Variants in FAM110B observed in about 807,000 individuals in gnomAD.
FAM110B encodes the protein family with sequence similarity 110 member B.
FAM110B carries 6 observed loss-of-function variants against 20.4 expected under a neutral mutation model. The ratio of observed to expected loss-of-function variants is 0.29; its 90% CI spans 0.16 to 0.58. The LOEUF (loss-of-function observed/expected upper bound fraction) is 0.58. Ranked by LOEUF, FAM110B falls within the 20% of genes least tolerant of loss-of-function variation. FAM110B has a pLI of 0.90. For missense variants in FAM110B, 434 were observed against 498.2 expected, an observed-to-expected ratio of 0.87 and a Z score of 1.23; for synonymous variants, 226 against 214.1, an observed-to-expected ratio of 1.06 and a Z score of -0.49.
intron 3 of FAM110B, among the ~76,000 whole-genome samples, chr8:58,142,555 C>T (rs1000986267): frequency 6.7e-6 from 1 of 150,300 alleles, no homozygotes. Flanking sequence ...CCCACCCCGA[C>T]CCCTGCCACC....
chr8:58,058,782 A>G (rs984922176), intron 2 of FAM110B, among the ~76,000 whole-genome samples: 1 of 152,200 alleles, frequency 6.6e-6, no homozygotes, highest in Non-Finnish European at 1.5e-5. Context: ...TTAAAACTTT[A>G]TAGTAATACC....
intron 3 of FAM110B, among the ~76,000 whole-genome samples, chr8:58,093,055 T>C (rs761715130): frequency 1.3e-5 from 2 of 152,146 alleles, no homozygotes; most frequent in Non-Finnish European, 2.9e-5. Context: ...CTTTTGAAAA[T>C]TGTCTGTTCA....
At chr8:58,071,101 G>A (rs1805887297) in intron 2 of FAM110B, among the ~76,000 whole-genome samples, 1 of 152,006 alleles carries the variant, frequency 6.6e-6, no homozygotes, top group South Asian at 2.1e-4. Context: ...TCTACTGTTT[G>A]ACAACATTTT....
intron 2 of FAM110B, among the ~76,000 whole-genome samples, chr8:58,068,077 G>T (rs907384960): frequency 8.5e-5 from 13 of 152,218 alleles, no homozygotes; most frequent in African/African-American, 3.1e-4. Flanking sequence ...TGAGCTAGCA[G>T]TCTGTTAAAT....
At chr8:58,079,044 T>C (rs1002307769) in intron 3 of FAM110B, among the ~76,000 whole-genome samples, 1 of 152,182 alleles carries the variant, frequency 6.6e-6, no homozygotes, top group African/African-American at 2.4e-5. Flanking sequence ...TTGTACCTTG[T>C]CAATGACTCA....
intron 1 of FAM110B, among the ~76,000 whole-genome samples, chr8:58,008,912 G>A (rs1804470223): frequency 6.6e-6 from 1 of 152,112 alleles, no homozygotes; most frequent in African/African-American, 2.4e-5. Context: ...TTCTTTATCT[G>A]ACCCTGAAAT....
At chr8:58,055,253 G>T (rs1033812205) in intron 2 of FAM110B, among the ~76,000 whole-genome samples, 1 of 152,214 alleles carries the variant, frequency 6.6e-6, no homozygotes, top group African/African-American at 2.4e-5. Context: ...AGTGCTAAAA[G>T]TCCAGAATAG....
chr8:58,023,848 C>A (rs992020375), intron 1 of FAM110B, among the ~76,000 whole-genome samples: 1 of 152,168 alleles, frequency 6.6e-6, no homozygotes, highest in South Asian at 2.1e-4. Flanking sequence ...GTATACTAAG[C>A]CGTGTCTGAG....
At chr8:58,030,016 G>C (rs1185516004) in intron 1 of FAM110B, among the ~76,000 whole-genome samples, 1 of 152,152 alleles carries the variant, frequency 6.6e-6, no homozygotes, top group Non-Finnish European at 1.5e-5. Context: ...AGGGATTTTA[G>C]ATATAATTTT....
chr8:58,062,977 A>C (rs1254868745), intron 2 of FAM110B, among the ~76,000 whole-genome samples: 1 of 152,238 alleles, frequency 6.6e-6, no homozygotes, highest in East Asian at 1.9e-4. Flanking sequence ...ATAATCAGCA[A>C]ATTGGCTGAC....
intron 2 of FAM110B, among the ~76,000 whole-genome samples, chr8:58,072,264 C>T (rs1176266627): frequency 1.3e-5 from 2 of 152,154 alleles, no homozygotes; most frequent in Admixed American, 1.3e-4. Context: ...GGGCAGAGCC[C>T]CTTTGAGGTG....
At chr8:58,098,261 G>C (rs865842462) in intron 3 of FAM110B, among the ~76,000 whole-genome samples, 10 of 152,232 alleles carry the variant, frequency 6.6e-5, no homozygotes, top group African/African-American at 2.4e-4. Flanking sequence ...GGAATCTAGA[G>C]ATGCAGTCTG....
At chr8:58,142,238 C>A (rs1803758323) in intron 3 of FAM110B, among the ~76,000 whole-genome samples, 1 of 152,210 alleles carries the variant, frequency 6.6e-6, no homozygotes, top group Non-Finnish European at 1.5e-5. Flanking sequence ...TAATGGGATG[C>A]TGGCTAGCAC....
chr8:58,130,080 C>T (rs1803414018), intron 3 of FAM110B, among the ~76,000 whole-genome samples: 1 of 152,160 alleles, frequency 6.6e-6, no homozygotes, highest in African/African-American at 2.4e-5. Context: ...CCTCCTTACA[C>T]CCATTATAGG....
chr8:58,053,174 C>T (rs1331952312), intron 2 of FAM110B, among the ~76,000 whole-genome samples: 1 of 152,108 alleles, frequency 6.6e-6, no homozygotes, highest in African/African-American at 2.4e-5. Context: ...GCTGGCCTTG[C>T]AGAAGTGAGG....
intron 3 of FAM110B, among the ~76,000 whole-genome samples, chr8:58,079,299 C>T (rs963544427): frequency 2.0e-5 from 3 of 152,144 alleles, no homozygotes; most frequent in Non-Finnish European, 4.4e-5. Context: ...AGGGCATTCT[C>T]TGGGAAAAGA....
chr8:58,138,874 T>C (rs1803680943), intron 3 of FAM110B, among the ~76,000 whole-genome samples: 1 of 152,240 alleles, frequency 6.6e-6, no homozygotes, highest in Non-Finnish European at 1.5e-5. Context: ...TGGACATTCC[T>C]TGACCTGTAT....
chr8:58,025,697 A>G (rs886957578), intron 1 of FAM110B, among the ~76,000 whole-genome samples: 4 of 152,166 alleles, frequency 2.6e-5, no homozygotes, highest in Non-Finnish European at 5.9e-5. Flanking sequence ...GAGTATTACT[A>G]AATTTGTAGC....
intron 2 of FAM110B, among the ~76,000 whole-genome samples, chr8:58,050,685 C>A (rs1805420982): frequency 6.6e-6 from 1 of 152,168 alleles, no homozygotes; most frequent in Non-Finnish European, 1.5e-5. Flanking sequence ...TTTTCTGTGA[C>A]CAGCCAAAGG....
Sources: gnomAD v4.1 joint callset for allele counts (sites outside exome capture counted in the v4.1 genomes callset) on GRCh38, gnomAD v4.1.1 for gene constraint, MANE v1.5 for transcripts, NCBI Gene and HGNC (gene_info 2026-07-23, HGNC 2026-07-21) for gene names.